Variants in KDM4B observed in about 807,000 individuals in gnomAD.
KDM4B encodes lysine-specific demethylase 4B.
A neutral mutation model predicts 125.2 loss-of-function variants in KDM4B; 32 were observed. The observed-to-expected ratio is 0.26, with a 90% CI of 0.19 to 0.34. KDM4B has a LOEUF of 0.34. Among genes scored for constraint, KDM4B ranks in the 10% least tolerant of loss-of-function variants. The probability of loss-of-function intolerance (pLI) is 1.00; values close to 1 mark genes in which losing one functional copy is unlikely to be tolerated. For missense variants in KDM4B, 1,190 were observed against 1,577.7 expected (o/e 0.75, Z 4.16); for synonymous variants, 721 against 677.9 (o/e 1.06, Z -0.99).
chr19:5,101,318 G>T (rs1489437834), intron 9 of KDM4B, among the ~76,000 whole-genome samples: 1 of 149,744 alleles, frequency 6.7e-6, no homozygotes, highest in Non-Finnish European at 1.5e-5. Flanking sequence ...GGATCATAGT[G>T]CAGGCCCATC....
intron 1 of KDM4B, among the ~76,000 whole-genome samples, chr19:5,004,134 C>T (rs934818586): frequency 2.0e-5 from 3 of 152,140 alleles, no homozygotes; most frequent in African/African-American, 2.4e-5. Flanking sequence ...CGGTGGATGG[C>T]GTGTGTCCTG....
At chr19:5,091,421 A>T (rs1228030197) in intron 9 of KDM4B, among the ~76,000 whole-genome samples, 1 of 152,220 alleles carries the variant, frequency 6.6e-6, no homozygotes, top group Admixed American at 6.5e-5. Flanking sequence ...GGTGTCTGGC[A>T]GGGAGAGCTT....
rs766289799 is a variant in KDM4B, at chr19:5,119,759, G to A, written c.1222G>A (p.Val408Met). ...AALLEEAGGSVKEEAGPEVDP... is the reference protein window; with the variant it reads ...AALLEEAGGSMKEEAGPEVDP... ...GCTCCTAGAGGAGGCTGGGGGCAGC[G>A]TGAAGGAGGAGGCTGGGCCGGAGGT... Residue 408 changes from valine (V) to methionine (M), a missense_variant, in exon 11 of 23, where the codon GTG becomes ATG. By Grantham distance (21) the Val-to-Met change is conservative. Coordinates refer to ENST00000159111, the MANE Select transcript of KDM4B (RefSeq NM_015015.3). 2.6e-5 allele frequency: 40 copies of A among 1,547,884 alleles called. No individual in the cohort carries two copies. Among genetic ancestry groups the A allele is most frequent in the East Asian group, 7.3e-5 (3 of 40,930 alleles).
chr19:5,089,701 A>T (rs954493813), intron 9 of KDM4B, among the ~76,000 whole-genome samples: 21 of 64,020 alleles, frequency 3.3e-4, no homozygotes, highest in African/African-American at 1.3e-3. Context: ...TTTTTGTACT[A>T]AAAAAAAAAA....
intron 1 of KDM4B, among the ~76,000 whole-genome samples, chr19:5,003,119 C>T (rs553389981): frequency 6.6e-5 from 10 of 152,314 alleles, no homozygotes; most frequent in East Asian, 3.9e-4. Flanking sequence ...CGTTCATTCT[C>T]GCAGAGGTGC....
intron 2 of KDM4B, among the ~76,000 whole-genome samples, chr19:5,032,522 T>C (rs2036490410): frequency 6.6e-6 from 1 of 152,214 alleles, no homozygotes; most frequent in African/African-American, 2.4e-5. Flanking sequence ...GAGAGACTGA[T>C]GTGCAGCGGA....
chr19:5,053,585 C>T (rs1440057792), intron 6 of KDM4B, among the ~76,000 whole-genome samples: 1 of 152,240 alleles, frequency 6.6e-6, no homozygotes, highest in South Asian at 2.1e-4. Flanking sequence ...TCACTGAGAC[C>T]CGCTGCAGTG....
At chr19:4,986,288 C>T (rs969627028) in intron 1 of KDM4B, among the ~76,000 whole-genome samples, 4 of 152,334 alleles carry the variant, frequency 2.6e-5, no homozygotes, top group East Asian at 1.9e-4. Context: ...GCGTGGGACC[C>T]GAGCTCGTGA....
chr19:4,990,691 G>A (rs970631403), intron 1 of KDM4B, among the ~76,000 whole-genome samples: 1 of 152,198 alleles, frequency 6.6e-6, no homozygotes, highest in Non-Finnish European at 1.5e-5. Context: ...TCCGGCCTTT[G>A]TTTTGGGGAG....
chr19:5,008,248 G>A (rs1035123152), intron 1 of KDM4B, among the ~76,000 whole-genome samples: 29 of 152,326 alleles, frequency 1.9e-4, no homozygotes, highest in Admixed American at 1.8e-3. Context: ...AGCTGTCCCA[G>A]CACTATTTGT....
intron 11 of KDM4B, among the ~76,000 whole-genome samples, chr19:5,124,403 G>A (rs1028277285): frequency 2.0e-5 from 3 of 152,184 alleles, no homozygotes; most frequent in African/African-American, 2.4e-5. Flanking sequence ...GAGTGGAGCT[G>A]GCTGGTCAGA....
At position 5,115,420 on chromosome 19, in the gene KDM4B, G is replaced by A. The variant is rs2039236203; in HGVS notation, c.1116-4233G>A. ...GGCCAGGAGAGACAATAGAGGGGGT[G>A]GGGGTCCTCTGCCAGAGAACAAAGG... is the stretch of plus-strand genomic sequence containing the variant. On this transcript the variant is annotated intron_variant, in intron 10 of 22. Transcript: ENST00000159111. The surrounding 1 kb of genome is among the most constrained non-coding windows in gnomAD (Gnocchi z 4.2). 1.3e-5 allele frequency among the ~76,000 whole-genome samples: 2 copies of A among 151,948 alleles called. No individual in the cohort carries two copies. The highest frequency in any genetic ancestry group is 4.1e-4 in the South Asian group (2 of 4,834).
rs112383703 is a variant in KDM4B, at chr19:5,119,846, G to T, written c.1309G>T (p.Ala437Ser). 1 of 1,546,294 alleles carries T rather than the reference G, an allele frequency of 6.5e-7. No individual in the cohort carries two copies. Among genetic ancestry groups the T allele is most frequent in the Non-Finnish European group, 8.7e-7 (1 of 1,146,346 alleles). ...GCCACACGGCCGGGAGGCCGAGGGC[G>T]CAGAAGGTCAGTCCCTGCCGGGCCA... ...PLPHGREAEG[A>S]EEDGRGKLRP... is the part of the protein sequence containing the mutation. The change falls in exon 11 of 23, where the codon GCA becomes TCA. Residue 437 changes from alanine (A) to serine (S), a missense_variant. Coordinates refer to ENST00000159111, the MANE Select transcript of KDM4B (RefSeq NM_015015.3).
At chr19:5,033,164 A>G (rs891737648) in intron 3 of KDM4B, 133 bp downstream of exon 3, 1 of 1,055,434 alleles carries the variant, frequency 9.5e-7, no homozygotes, top group Non-Finnish European at 1.4e-6. Flanking sequence ...GGCCACTCCC[A>G]GCTCGTTTAC....
intron 6 of KDM4B, among the ~76,000 whole-genome samples, chr19:5,058,088 A>G (rs757849076): frequency 6.6e-6 from 1 of 152,218 alleles, no homozygotes; most frequent in African/African-American, 2.4e-5. Flanking sequence ...CCTTGCATCA[A>G]GGGAGGCTGG....
chr19:5,038,608 C>T (rs1727021076), intron 3 of KDM4B, among the ~76,000 whole-genome samples: 1 of 152,246 alleles, frequency 6.6e-6, no homozygotes, highest in Non-Finnish European at 1.5e-5. Context: ...TGGCCCAGGA[C>T]CTCTCTGGGG....
At chr19:5,076,235 G>T (rs1257536745) in intron 7 of KDM4B, 1 of 40,268 alleles carries the variant, frequency 2.5e-5, no homozygotes, top group African/African-American at 1.0e-4. Flanking sequence ...CCCCAGGGTC[G>T]TGCTCTCTCG....
rs116279619 is a variant in KDM4B, at chr19:5,040,051, G to A, written c.317+40G>A. On this transcript the variant is annotated intron_variant, in intron 4 of 22. Coordinates refer to ENST00000159111, the MANE Select transcript of KDM4B (RefSeq NM_015015.3). The stretch of plus-strand genomic sequence containing the variant: ...CAGGGCGGACCTGACCCCCGCCCCC[G>A]GGGGCACACCTGCTCATGGGGGCCC... 2,516 of 1,570,664 alleles carry A rather than the reference G, an allele frequency of 1.6e-3. 43 individuals are homozygous for A. In the African/African-American group the frequency reaches 0.027, roughly 17 times the overall value.
chr19:5,059,171 G>C (rs1319831086), intron 6 of KDM4B, among the ~76,000 whole-genome samples: 1 of 152,216 alleles, frequency 6.6e-6, no homozygotes. Context: ...CTTCGGCGAG[G>C]CTGCTGCCGG....
Sources: gnomAD v4.1 joint callset for allele counts (sites outside exome capture counted in the v4.1 genomes callset) on GRCh38, gnomAD v4.1.1 for gene constraint, Gnocchi (gnomAD v3.1) non-coding constraint, MANE v1.5 for transcripts, NCBI Gene and HGNC (gene_info 2026-07-23, HGNC 2026-07-21) for gene names.